The following PAPLN variants were observed in gnomAD, a reference collection of about 807,000 sequenced individuals.
PAPLN encodes papilin, proteoglycan like sulfated glycoprotein, also known as papilin.
Under a neutral mutation model 159.0 loss-of-function variants are expected in PAPLN, and 146 were observed. The observed-to-expected ratio is 0.92, with a 90% CI of 0.80 to 1.05. The LOEUF (loss-of-function observed/expected upper bound fraction) is 1.05. Among genes scored for constraint, PAPLN ranks in the 50% least tolerant of loss-of-function variants. PAPLN has a pLI of 0.00. For synonymous variants in PAPLN, 734 were observed against 702.9 expected (o/e 1.04, Z -0.70); for missense variants, 1,720 against 1,743.9 (o/e 0.99, Z 0.24).
At position 73,273,349 on chromosome 14, in the gene PAPLN, GGT is replaced by G; in HGVS notation, c.*687_*688del. The stretch of plus-strand genomic sequence containing the variant: ...CTTCTTGCCCAGGCTGGAGTACAAT[GGT>G]GCGATCTTGGCTCACTGCAACCTCC... On this transcript the variant is annotated 3_prime_UTR_variant, in exon 27 of 27. Coordinates refer to ENST00000644200, the MANE Select transcript of PAPLN (RefSeq NM_001365906.3). 1 of 151,702 alleles carries G rather than the reference GGT, an allele frequency of 6.6e-6. No individual in the cohort carries two copies. Among genetic ancestry groups the G allele is most frequent in the Non-Finnish European group, 1.5e-5 (1 of 68,018 alleles). The allele number at this position is 151,702 out of a possible 1,614,324, so 9.4% of individuals were successfully genotyped here.
At chr14:73,255,251 C>T (rs1386233596) in intron 14 of PAPLN, among the ~76,000 whole-genome samples, 5 of 152,212 alleles carry the variant, frequency 3.3e-5, no homozygotes, top group Non-Finnish European at 5.9e-5. Flanking sequence ...GCCCCTGCCC[C>T]TCTGGCCCCC....
chr14:73,266,002 G>T (rs533752822), intron 23 of PAPLN, among the ~76,000 whole-genome samples: 5 of 152,280 alleles, frequency 3.3e-5, no homozygotes, highest in African/African-American at 1.2e-4. Flanking sequence ...CCGAAATTTT[G>T]TATCAGAAAA....
intron 6 of PAPLN, 92 bp from the exon 7 acceptor site, chr14:73,250,815 C>T (rs1017811195): frequency 7.0e-7 from 1 of 1,434,648 alleles, no homozygotes; most frequent in East Asian, 2.5e-5. Context: ...CCTGCCTGGG[C>T]TGCGTGGGTG....
chr14:73,251,111 G>C (rs890667487), intron 7 of PAPLN, 81 bp downstream of exon 7: 1 of 1,535,984 alleles, frequency 6.5e-7, no homozygotes, highest in Non-Finnish European at 8.7e-7. Flanking sequence ...CTCTGGCCTA[G>C]ACTCCAGGCC....
rs1447366557 is a variant in PAPLN, at chr14:73,247,186, C to T, written c.334+1011C>T. 2.0e-5 allele frequency among the ~76,000 whole-genome samples: 3 copies of T among 152,104 alleles called. No individual in the cohort carries two copies. The East Asian group carries it at 5.8e-4, about 29-fold the overall frequency. On this transcript the variant is annotated intron_variant, in intron 5 of 26. Transcript: ENST00000644200. ...GAGGGGCTGGAAGGGGCTTGGTACA[C>T]CAAGACTTCATTTATCAAGGATCTG...
chr14:73,254,482 C>G (rs772340320), intron 12 of PAPLN, 31 bp from the exon 13 acceptor site: 1 of 1,608,958 alleles, frequency 6.2e-7, no homozygotes, highest in Non-Finnish European at 8.5e-7. Context: ...GGGGCAAGGC[C>G]GAGCTTCTGC....
rs1041309659 is a variant in PAPLN at position 73,262,464 on chromosome 14, G to A, written c.2360G>A (p.Cys787Tyr). 7 of 1,610,820 alleles carry A rather than the reference G, an allele frequency of 4.3e-6. No homozygotes were observed. Among genetic ancestry groups the A allele is most frequent in the African/African-American group, 1.3e-5 (1 of 74,880 alleles). The change falls in exon 19 of 27, where the codon TGC (cysteine) becomes TAC (tyrosine). Residue 787 changes from cysteine to tyrosine, a missense_variant. Cys to Tyr is a radical substitution (Grantham distance 194). Transcript: ENST00000644200. ...GQCNRFWYGG[C>Y]HGNANNFASE... ...TGTAACCGCTTCTGGTATGGCGGCT[G>A]CCATGGCAATGCCAATAACTTTGCC...
chr14:73,245,345 A>G lies in PAPLN; in HGVS notation c.171-291A>G, dbSNP rs1325738214. ...GCTGTGCCAAGCGGGTGGGTATTAT[A>G]TCTCATGCACCTCGGGTCTTCTCTG... On this transcript the variant is annotated intron_variant, in intron 3 of 26. Transcript: ENST00000644200. The surrounding 1 kb of genome is among the most constrained non-coding windows in gnomAD (Gnocchi z 4.2). 1 of 453,210 alleles carries G rather than the reference A, an allele frequency of 2.2e-6. No individual in the cohort carries two copies. The highest frequency in any genetic ancestry group is 4.0e-6 in the Non-Finnish European group (1 of 248,704). The allele number at this position is 453,210 out of a possible 1,614,324, so 28.1% of individuals were successfully genotyped here. A position where few individuals can be genotyped will look rare whatever the true frequency, so the allele number is the denominator to read the frequency against.
chr14:73,248,125 G>A (rs1175886352), intron 5 of PAPLN, among the ~76,000 whole-genome samples: 5 of 134,602 alleles, frequency 3.7e-5, no homozygotes, highest in Admixed American at 1.5e-4. Context: ...GTGTGTTGTG[G>A]GGATCGTGGC....
In PAPLN at chr14:73,266,986, T is replaced by A. The variant is rs750608725; in HGVS notation, c.3500+155T>A. Among the ~76,000 whole-genome samples, 5 of 152,184 alleles carry A rather than the reference T, an allele frequency of 3.3e-5. No individual in the cohort carries two copies. In the South Asian group the frequency reaches 1.0e-3, roughly 32 times the overall value. ...GAGAGGGCTGCAGCACCCTCATCCC[T>A]ACAGAGCAAAGCTCTGTAGGGCCAC... is the stretch of plus-strand genomic sequence containing the variant. On this transcript the variant is annotated intron_variant, in intron 25 of 26. Transcript: ENST00000644200.
Position 73,244,760 on chromosome 14 carries a change from G to T in PAPLN, c.170+1G>T, listed in dbSNP as rs1425246540. 2 of 1,539,058 alleles carry T rather than the reference G, an allele frequency of 1.3e-6. No homozygotes were observed. Among genetic ancestry groups the T allele is most frequent in the African/African-American group, 2.8e-5 (2 of 72,566 alleles). ...GGGAGCGCCCCTGCTACTCCCAGAG[G>T]TAGGAGAGATGAAAATGGGCCAGCT... On this transcript the variant is annotated splice_donor_variant, in intron 3 of 26. Transcript: ENST00000644200. LOFTEE classifies it high-confidence loss of function.
intron 7 of PAPLN, among the ~76,000 whole-genome samples, 193 bp from the exon 8 acceptor site, chr14:73,251,292 AG>A (rs1885225745): frequency 6.6e-6 from 1 of 151,952 alleles, no homozygotes; most frequent in Non-Finnish European, 1.5e-5. Flanking sequence ...GGGTGCCCTG[AG>A]CCTTCCCGCC....
At chr14:73,249,216 A>G (rs1172048040) in intron 5 of PAPLN, among the ~76,000 whole-genome samples, 2 of 152,106 alleles carry the variant, frequency 1.3e-5, no homozygotes, top group African/African-American at 4.8e-5. Context: ...CCCCTTTCAC[A>G]TTATTCTCTC....
At chr14:73,238,579 G>A (rs1883208936) in intron 1 of PAPLN, among the ~76,000 whole-genome samples, 2 of 152,208 alleles carry the variant, frequency 1.3e-5, no homozygotes, top group Non-Finnish European at 2.9e-5. Context: ...AGCCTCGCCC[G>A]CCCTAGCAGG....
At chr14:73,248,438 C>G (rs1230167029) in intron 5 of PAPLN, among the ~76,000 whole-genome samples, 2 of 152,088 alleles carry the variant, frequency 1.3e-5, no homozygotes, top group Admixed American at 1.3e-4. Flanking sequence ...GGATACCTTC[C>G]ATGGTATGGA....
At chr14:73,254,746 G>A (rs1474495530) in intron 13 of PAPLN, 51 bp downstream of exon 13, 3 of 1,597,884 alleles carry the variant, frequency 1.9e-6, no homozygotes, top group Non-Finnish European at 8.5e-7. Flanking sequence ...TCTCTGGCAG[G>A]TGGCTGCACC....
In PAPLN at chr14:73,245,043, T is replaced by C. The variant is rs1224219653; in HGVS notation, c.170+284T>C. 3 of 303,750 alleles carry C rather than the reference T, an allele frequency of 9.9e-6. No individual in the cohort carries two copies. The highest frequency in any genetic ancestry group is 1.8e-5 in the Non-Finnish European group (3 of 162,568). 18.8% of individuals were successfully genotyped at this position (303,750 alleles called of 1,614,324 possible). ...GTATGGCAGGTGCAGTCAATTTTGC[T>C]GGAACTGGTAAATAATCTTCAACCG... On this transcript the variant is annotated intron_variant, in intron 3 of 26. Transcript: ENST00000644200. This position sits in a 1 kb window ranked among gnomAD's most constrained non-coding sequence, Gnocchi z 4.2.
At chr14:73,259,862 A>G (rs564451763) in intron 16 of PAPLN, among the ~76,000 whole-genome samples, 3 of 152,148 alleles carry the variant, frequency 2.0e-5, no homozygotes, top group Non-Finnish European at 4.4e-5. Context: ...AACCAGGCTC[A>G]GGGAACTCAC....
At chr14:73,260,469 G>C (rs1366913306) in intron 16 of PAPLN, among the ~76,000 whole-genome samples, 1 of 152,172 alleles carries the variant, frequency 6.6e-6, no homozygotes, top group Non-Finnish European at 1.5e-5. Context: ...CAGTTATGAG[G>C]GGTACAGCCA....
Sources: gnomAD v4.1 joint callset for allele counts (sites outside exome capture counted in the v4.1 genomes callset) on GRCh38, gnomAD v4.1.1 for gene constraint, Gnocchi (gnomAD v3.1) non-coding constraint, MANE v1.5 for transcripts, NCBI Gene and HGNC (gene_info 2026-07-23, HGNC 2026-07-21) for gene names.